Variants in AKT3 observed in about 807,000 individuals in gnomAD.
The protein encoded by AKT3 is AKT serine/threonine kinase 3.
A neutral mutation model predicts 65.3 loss-of-function variants in AKT3; 15 were observed. The ratio of observed to expected loss-of-function variants is 0.23; its 90% confidence interval spans 0.15 to 0.35. AKT3 has a LOEUF of 0.35. Ranked by LOEUF, AKT3 falls within the 10% of genes least tolerant of loss-of-function variation. The probability of loss-of-function intolerance (pLI) is 1.00; values close to 1 mark genes in which losing one functional copy is unlikely to be tolerated. For synonymous variants in AKT3, 206 were observed against 183.8 expected, an observed-to-expected ratio of 1.12 and a Z score of -0.98; for missense variants, 243 against 576.5, an observed-to-expected ratio of 0.42 and a Z score of 5.92.
rs552302039 is a variant in AKT3 at position 243,505,204 on chromosome 1, A to T, written c.*45T>A. ...CTGGTGATGTCCAGGAATCATTTTC[A>T]GTAATAAATTGAAGATGACAGTGAA... On this transcript the variant is annotated 3_prime_UTR_variant, in exon 14 of 14. Transcript: ENST00000673466. 3.0e-5 allele frequency: 47 copies of T among 1,541,700 alleles called. No homozygotes were observed. Among genetic ancestry groups the T allele is most frequent in the Non-Finnish European group, 4.1e-5 (46 of 1,115,078 alleles).
At chr1:243,746,534 TC>T (rs1688480940) in intron 2 of AKT3, among the ~76,000 whole-genome samples, 1 of 152,182 alleles carries the variant, frequency 6.6e-6, no homozygotes, top group African/African-American at 2.4e-5. Flanking sequence ...GGGTTATTTG[TC>T]CCCTCACTTT....
At chr1:243,693,242 T>TTA (rs747780262) in intron 3 of AKT3, among the ~76,000 whole-genome samples, 3,554 of 59,830 alleles carry the variant, frequency 0.059, 1,118 homozygotes, top group Middle Eastern at 0.071. Context: ...AGCTACAATT[T>TTA]GATATATATA....
chr1:243,675,670 G>A (rs1433481503), intron 3 of AKT3, among the ~76,000 whole-genome samples: 1 of 152,136 alleles, frequency 6.6e-6, no homozygotes, highest in Non-Finnish European at 1.5e-5. Context: ...CCACTCTACT[G>A]CAGTCTCCTT....
intron 3 of AKT3, among the ~76,000 whole-genome samples, chr1:243,693,287 T>C (rs1183973010): frequency 9.5e-5 from 11 of 115,336 alleles, no homozygotes; most frequent in Non-Finnish European, 1.6e-4. Flanking sequence ...TATATATATA[T>C]ATATATAACA....
At chr1:243,647,436 T>C (rs1029645034) in intron 4 of AKT3, among the ~76,000 whole-genome samples, 1 of 152,206 alleles carries the variant, frequency 6.6e-6, no homozygotes, top group Admixed American at 6.5e-5. Flanking sequence ...CCATCTAGGT[T>C]TGTCCAAGTA....
intron 2 of AKT3, among the ~76,000 whole-genome samples, chr1:243,760,487 T>C (rs2148242203): frequency 6.6e-6 from 1 of 152,156 alleles, no homozygotes; most frequent in Admixed American, 6.5e-5. Context: ...TATTTAATCT[T>C]CATTATTCAT....
At chr1:243,557,272 T>C (rs1034035770) in intron 10 of AKT3, among the ~76,000 whole-genome samples, 1 of 152,088 alleles carries the variant, frequency 6.6e-6, no homozygotes, top group Non-Finnish European at 1.5e-5. Flanking sequence ...ATAGCCATTG[T>C]AAAATACTAT....
chr1:243,783,410 C>G (rs1167450829), intron 2 of AKT3, among the ~76,000 whole-genome samples: 1 of 152,208 alleles, frequency 6.6e-6, no homozygotes, highest in African/African-American at 2.4e-5. Flanking sequence ...GTGGCATACC[C>G]TAACTCCACA....
chr1:243,748,379 A>C (rs1688606076), intron 2 of AKT3, among the ~76,000 whole-genome samples: 1 of 152,058 alleles, frequency 6.6e-6, no homozygotes, highest in Non-Finnish European at 1.5e-5. Flanking sequence ...AGTTGGATAG[A>C]CAGTGTTCTT....
downstream of AKT3, among the ~76,000 whole-genome samples, chr1:243,495,509 G>A (rs142815481): frequency 2.3e-4 from 35 of 152,308 alleles, no homozygotes; most frequent in East Asian, 3.3e-3. Context: ...GCTGCCCTGC[G>A]ATGGCCTTAA....
intron 10 of AKT3, among the ~76,000 whole-genome samples, chr1:243,558,184 T>G (rs534267040): frequency 3.9e-5 from 6 of 152,056 alleles, no homozygotes; most frequent in Non-Finnish European, 7.4e-5. Context: ...TCAAGCAAGT[T>G]AGCTTCTAAC....
chr1:243,668,386 T>C (rs1385220261), intron 3 of AKT3, among the ~76,000 whole-genome samples: 2 of 152,142 alleles, frequency 1.3e-5, no homozygotes, highest in Admixed American at 6.5e-5. Context: ...CCAAATGCAA[T>C]TAGGAGTACA....
At chr1:243,798,712 A>G (rs1023638995) in intron 2 of AKT3, among the ~76,000 whole-genome samples, 3 of 152,106 alleles carry the variant, frequency 2.0e-5, no homozygotes, top group African/African-American at 7.2e-5. Context: ...CTACATGTTC[A>G]ACCTCTAATT....
At chr1:243,850,745 T>TCCCCGCGCCCCCAAACCAGCGGTG (rs1407322952), upstream of AKT3, among the ~76,000 whole-genome samples, 4 of 151,704 alleles carry the variant, frequency 2.6e-5, no homozygotes, top group Non-Finnish European at 5.9e-5. Context: ...TCCTCAGGCT[T>TCCCCGCGCCCCCAAACCAGCGGTG]CCCCGCGCCC....
intron 9 of AKT3, among the ~76,000 whole-genome samples, chr1:243,567,487 CTTTTTTTTTTT>C (rs993323556): frequency 6.5e-5 from 8 of 122,320 alleles, no homozygotes; most frequent in Non-Finnish European, 1.0e-4. Flanking sequence ...TTGTTTCTTC[CTTTTTTTTTTT>C]TTTTTTTTTT....
chr1:243,663,716 T>G (rs1357306271), intron 4 of AKT3, among the ~76,000 whole-genome samples: 2 of 152,216 alleles, frequency 1.3e-5, no homozygotes, highest in Non-Finnish European at 2.9e-5. Context: ...ACAAGACTGT[T>G]AAAACTTTGT....
At chr1:243,811,029 T>G (rs1308447434) in intron 2 of AKT3, among the ~76,000 whole-genome samples, 2 of 152,172 alleles carry the variant, frequency 1.3e-5, no homozygotes, top group Admixed American at 1.3e-4. Flanking sequence ...TATCTCAAAA[T>G]AATAAGAGCT....
intron 6 of AKT3, among the ~76,000 whole-genome samples, chr1:243,625,695 G>C (rs1400293798): frequency 6.6e-6 from 1 of 152,194 alleles, no homozygotes; most frequent in East Asian, 1.9e-4. Flanking sequence ...CTTGCCTTGT[G>C]AACTGGTATT....
chr1:243,849,920 A>G, intron 1 of AKT3, 120 bp downstream of exon 1: 1 of 741,926 alleles, frequency 1.3e-6, no homozygotes, highest in Non-Finnish European at 1.6e-6. Context: ...CCCCCGCCTC[A>G]CCCCACCCCG....
Sources: allele counts gnomAD v4.1 joint callset (sites outside exome capture counted in the v4.1 genomes callset), GRCh38; gene constraint gnomAD v4.1.1; transcripts MANE v1.5; gene names NCBI Gene and HGNC (gene_info 2026-07-23, HGNC 2026-07-21).